The following JARID2 variants were observed in gnomAD, a reference collection of about 807,000 sequenced individuals.
JARID2 encodes the protein protein Jumonji.
A neutral mutation model predicts 125.6 loss-of-function variants in JARID2; 21 were observed. That is an observed-to-expected ratio of 0.17 (90% CI 0.12 to 0.24). JARID2 has a LOEUF of 0.24. JARID2 is among the 10% of genes least tolerant of loss of function. JARID2 has a pLI of 1.00. For synonymous variants in JARID2, 736 were observed against 661.6 expected, an observed-to-expected ratio of 1.11 and a Z score of -1.73; for missense variants, 1,303 against 1,639.6, an observed-to-expected ratio of 0.79 and a Z score of 3.55.
At chr6:15,294,040 A>G (rs1327443821) in intron 1 of JARID2, among the ~76,000 whole-genome samples, 2 of 152,256 alleles carry the variant, frequency 1.3e-5, no homozygotes, top group African/African-American at 4.8e-5. Flanking sequence ...AAGTTGCAGT[A>G]GTCAGGACTT....
Position 15,496,740 on chromosome 6 carries a change from G to A in JARID2, c.1515G>A (p.Gly505=). 1 of 1,613,730 alleles carries A rather than the reference G, an allele frequency of 6.2e-7. No homozygotes were observed. Among genetic ancestry groups the A allele is most frequent in the Non-Finnish European group, 8.5e-7 (1 of 1,179,972 alleles). ...ERNRPKRATA[G]KSTPGRQAHG... ...ATCGGCCGAAGCGGGCCACGGCCGG[G>A]AAGAGCACGCCAGGCAGACAAGCAC... The change falls in exon 7 of 18, where the codon GGG becomes GGA. Residue 505 remains glycine (G), a synonymous_variant. Coordinates refer to ENST00000341776, the MANE Select transcript of JARID2 (RefSeq NM_004973.4).
intron 1 of JARID2, among the ~76,000 whole-genome samples, chr6:15,261,370 A>C (rs1759869990): frequency 7.2e-6 from 1 of 139,652 alleles, no homozygotes; most frequent in Admixed American, 7.8e-5. Flanking sequence ...GCTGGAGTGC[A>C]GTGGCGCTAT....
chr6:15,325,313 T>A (rs915637953), intron 1 of JARID2, among the ~76,000 whole-genome samples: 5 of 152,208 alleles, frequency 3.3e-5, no homozygotes, highest in Non-Finnish European at 4.4e-5. Context: ...AATTTCAGCT[T>A]AGCCTCACTC....
intron 1 of JARID2, among the ~76,000 whole-genome samples, chr6:15,368,197 A>G (rs1466540827): frequency 1.3e-5 from 2 of 152,222 alleles, no homozygotes; most frequent in Admixed American, 6.5e-5. Context: ...TTATGCACAC[A>G]TAGCTTTCTG....
chr6:15,273,852 C>A lies in JARID2; in HGVS notation c.45+27268C>A, dbSNP rs1481860323. On this transcript the variant is annotated intron_variant, in intron 1 of 17. Transcript: ENST00000341776. The stretch of plus-strand genomic sequence containing the variant: ...ATGACACCTAAAGATTGGTGTCATT[C>A]TTGGGGATACTCACTGAAGAACATA... Among the ~76,000 whole-genome samples the A allele has an allele frequency of 3.3e-5, 5 of 152,018 alleles. No individual in the cohort carries two copies. In the East Asian group the frequency reaches 9.7e-4, roughly 29 times the overall value.
In JARID2 at chr6:15,507,236, A is replaced by G; in HGVS notation, c.2642A>G (p.Lys881Arg). 1 of 1,613,532 alleles carries G rather than the reference A, an allele frequency of 6.2e-7. No individual in the cohort carries two copies. Among genetic ancestry groups the G allele is most frequent in the Non-Finnish European group, 8.5e-7 (1 of 1,179,438 alleles). ...CACGGCAGTGGATTCCCAGTAGGAA[A>G]ATCAGAACCCTTTTCGAGGTAACCT... Reference protein sequence around the residue: ...NTHGSGFPVGKSEPFSRHGWN... With the variant: ...NTHGSGFPVGRSEPFSRHGWN... Residue 881 changes from lysine (K) to arginine (R), a missense_variant, in exon 10 of 18, where the codon AAA becomes AGA. Transcript: ENST00000341776.
intron 1 of JARID2, among the ~76,000 whole-genome samples, chr6:15,263,940 T>C (rs998654303): frequency 1.3e-5 from 2 of 152,172 alleles, no homozygotes; most frequent in African/African-American, 4.8e-5. Context: ...TTACCCAAAC[T>C]GGAGTGCCGT....
chr6:15,282,042 C>T lies in JARID2; in HGVS notation c.45+35458C>T, dbSNP rs542955908. 7.9e-5 allele frequency among the ~76,000 whole-genome samples: 12 copies of T among 151,938 alleles called. No individual in the cohort carries two copies. The South Asian group carries it at 1.3e-3, about 16-fold the overall frequency. ...TCAGCGAACTGTAACCTTTGCCTCC[C>T]GAGTTCAGACCATTCTTGTGTGGTA... On this transcript the variant is annotated intron_variant, in intron 1 of 17. Coordinates refer to ENST00000341776, the MANE Select transcript of JARID2 (RefSeq NM_004973.4).
intron 3 of JARID2, among the ~76,000 whole-genome samples, chr6:15,451,220 T>A (rs1041032628): frequency 3.9e-5 from 6 of 152,166 alleles, no homozygotes; most frequent in Non-Finnish European, 8.8e-5. Context: ...AATTTCTACG[T>A]AAGATATTCA....
At chr6:15,376,959 A>G (rs993010865) in intron 2 of JARID2, among the ~76,000 whole-genome samples, 1 of 152,102 alleles carries the variant, frequency 6.6e-6, no homozygotes, top group African/African-American at 2.4e-5. Context: ...TGTTGTGCAT[A>G]TATATGTGGA....
In JARID2 at chr6:15,459,050, A is replaced by C. The variant is rs533568307; in HGVS notation, c.493+6875A>C. 2.4e-3 allele frequency among the ~76,000 whole-genome samples: 371 copies of C among 152,344 alleles called. 2 individuals carry two copies. The highest frequency in any genetic ancestry group is 8.4e-3 in the African/African-American group (350 of 41,570). ...AGTTCTTTCTAGGGGCATTGGCAGA[A>C]GGCTGGCATGTCTTGGGCAGATGAT... On this transcript the variant is annotated intron_variant, in intron 4 of 17. Coordinates refer to ENST00000341776, the MANE Select transcript of JARID2 (RefSeq NM_004973.4).
chr6:15,520,545 TTG>T lies in JARID2; in HGVS notation c.*295_*296del. 5.6e-6 allele frequency: 2 copies of T among 358,726 alleles called. No homozygotes were observed. Among genetic ancestry groups the T allele is most frequent in the Non-Finnish European group, 1.0e-5 (2 of 192,830 alleles). 22.2% of individuals were successfully genotyped at this position (358,726 alleles called of 1,614,324 possible). On this transcript the variant is annotated 3_prime_UTR_variant, in exon 18 of 18. Coordinates refer to ENST00000341776, the MANE Select transcript of JARID2 (RefSeq NM_004973.4). ...CCATGGCTGACAAAAGCCTTTTTTTTTGGTTTTGATTTTTTTTTTTTTGTAAC... is the reference window on the plus strand; with the variant it reads ...CCATGGCTGACAAAAGCCTTTTTTTTGTTTTGATTTTTTTTTTTTTGTAAC...
intron 9 of JARID2, chr6:15,505,174 G>A (rs1267513379): frequency 6.6e-6 from 1 of 152,262 alleles, no homozygotes; most frequent in Non-Finnish European, 1.5e-5. Flanking sequence ...GTGCCCAGCT[G>A]AGTCCGTGTG....
intron 3 of JARID2, among the ~76,000 whole-genome samples, chr6:15,414,764 G>GTT (rs577943971): frequency 6.8e-6 from 1 of 147,048 alleles, no homozygotes; most frequent in Non-Finnish European, 1.5e-5. Flanking sequence ...GGGTGAGATT[G>GTT]TTTTTTTTTT....
chr6:15,398,461 C>A (rs1359153260), intron 2 of JARID2, among the ~76,000 whole-genome samples: 2 of 152,192 alleles, frequency 1.3e-5, no homozygotes, highest in Admixed American at 1.3e-4. Context: ...TATTCTTGGT[C>A]TTCCAGAGGA....
intron 2 of JARID2, among the ~76,000 whole-genome samples, chr6:15,409,892 A>G (rs1408843688): frequency 6.6e-6 from 1 of 152,200 alleles, no homozygotes; most frequent in African/African-American, 2.4e-5. Context: ...TTGATAACAG[A>G]TACTCCTTTC....
Position 15,520,233 on chromosome 6 carries a change from T to A in JARID2, c.3723T>A (p.Ser1241Arg). The part of the protein sequence containing the change: ...SRLSASSSSK[S>R]ASSSS ...TGTCAGCCTCCAGTTCATCCAAAAG[T>A]GCTTCGAGCTCATCATGAAGATGCC... The change falls in exon 18 of 18, where the codon AGT (serine) becomes AGA (arginine). Residue 1241 changes from serine (S) to arginine (R), a missense_variant. By Grantham distance (110) the Ser-to-Arg change is moderately radical (BLOSUM62 -1). Transcript: ENST00000341776. 2 of 1,607,142 alleles carry A rather than the reference T, an allele frequency of 1.2e-6. No individual in the cohort carries two copies. Among genetic ancestry groups the A allele is most frequent in the Non-Finnish European group, 1.7e-6 (2 of 1,177,290 alleles).
At chr6:15,433,410 C>CTGTGTGTG (rs57296791) in intron 3 of JARID2, among the ~76,000 whole-genome samples, 17,779 of 143,128 alleles carry the variant, frequency 0.12, 1,146 homozygotes, top group South Asian at 0.15. Context: ...CCATGTCTCT[C>CTGTGTGTG]TGTGTGTGTG....
intron 1 of JARID2, among the ~76,000 whole-genome samples, chr6:15,270,553 T>G (rs1038963432): frequency 6.6e-5 from 10 of 152,140 alleles, no homozygotes; most frequent in Non-Finnish European, 1.3e-4. Flanking sequence ...TGATTGCGAG[T>G]CATGTCAGGT....
Sources: allele counts gnomAD v4.1 joint callset (sites outside exome capture counted in the v4.1 genomes callset), GRCh38; gene constraint gnomAD v4.1.1; transcripts MANE v1.5; gene names NCBI Gene and HGNC (gene_info 2026-07-23, HGNC 2026-07-21).